Variants in DNAJB12 observed in about 807,000 individuals in gnomAD.
DNAJB12 encodes dnaJ homolog subfamily B member 12.
DNAJB12 carries 14 observed loss-of-function variants against 40.6 expected under a neutral mutation model. That is an observed-to-expected ratio of 0.34 (90% CI 0.23 to 0.54). The LOEUF is 0.54. Among genes scored for constraint, DNAJB12 ranks in the 20% least tolerant of loss-of-function variants. The pLI is 0.92. For missense variants in DNAJB12, 444 were observed against 501.7 expected (o/e 0.89, Z 1.10); for synonymous variants, 181 against 199.5 (o/e 0.91, Z 0.78).
chr10:72,349,441 C>G (rs1300899882), intron 1 of DNAJB12, among the ~76,000 whole-genome samples: 2 of 152,112 alleles, frequency 1.3e-5, no homozygotes, highest in Admixed American at 1.3e-4. Flanking sequence ...CAGGCCATCC[C>G]AGATACCAGG....
rs151237800 is a variant in DNAJB12 at position 72,335,906 on chromosome 10, G to T, written c.1032C>A (p.Arg344=). Residue 344 remains arginine, a synonymous_variant, in exon 8 of 9, where the codon CGC becomes CGA. Coordinates refer to ENST00000444643, the MANE Select transcript of DNAJB12 (RefSeq NM_017626.7). This position sits in a 1 kb window ranked among gnomAD's most constrained non-coding sequence, Gnocchi z 4.4. ...QQKEGLLYRA[R]YFGDTDMYHR... ...GGTACATATCTGTGTCGCCAAAGTA[G>T]CGTGCCCGGTACAGCAAGCCTTCCT... is the stretch of plus-strand genomic sequence containing the variant. 10 of 1,614,156 alleles carry T rather than the reference G, an allele frequency of 6.2e-6. No individual in the cohort carries two copies. The African/African-American group carries it at 1.2e-4, about 19-fold the overall frequency.
At chr10:72,340,339 T>A (rs931185634) in intron 5 of DNAJB12, among the ~76,000 whole-genome samples, 6 of 150,142 alleles carry the variant, frequency 4.0e-5, no homozygotes, top group Non-Finnish European at 8.8e-5. Context: ...CAAGACTCCA[T>A]CTCAATTAAA....
intron 1 of DNAJB12, among the ~76,000 whole-genome samples, chr10:72,351,908 T>G (rs1861945260): frequency 6.6e-6 from 1 of 152,238 alleles, no homozygotes; most frequent in Non-Finnish European, 1.5e-5. Flanking sequence ...TTCTTCAGCC[T>G]GGTTTCTTCC....
At chr10:72,345,211 T>G (rs1053447299) in intron 1 of DNAJB12, 84 bp from the exon 2 acceptor site, 1 of 1,504,696 alleles carries the variant, frequency 6.6e-7, no homozygotes, top group Admixed American at 2.0e-5. Flanking sequence ...TCCCACTCAC[T>G]TCCCCTCCCA....
intron 1 of DNAJB12, among the ~76,000 whole-genome samples, chr10:72,352,045 G>C (rs1212308141): frequency 1.3e-5 from 2 of 152,096 alleles, no homozygotes. Flanking sequence ...CCTTGTCCCA[G>C]GCCCTCAGAA....
chr10:72,340,942 T>C, intron 4 of DNAJB12, 43 bp downstream of exon 4: 1 of 1,609,132 alleles, frequency 6.2e-7, no homozygotes, highest in Non-Finnish European at 8.5e-7. Flanking sequence ...ATTCCCACCA[T>C]CACCCCAGGG....
chr10:72,340,320 G>A (rs374399392), intron 5 of DNAJB12, among the ~76,000 whole-genome samples: 22 of 152,068 alleles, frequency 1.4e-4, no homozygotes, highest in African/African-American at 5.3e-4. Context: ...CTCAGCCTGG[G>A]CGAGAGAGCA....
chr10:72,341,066 C>G lies in DNAJB12; in HGVS notation c.562G>C (p.Gly188Arg), dbSNP rs1861622423. 3.1e-6 allele frequency: 5 copies of G among 1,614,106 alleles called. No homozygotes were observed. Among genetic ancestry groups the G allele is most frequent in the Non-Finnish European group, 4.2e-6 (5 of 1,180,060 alleles). The change falls in exon 4 of 9, where the codon GGG becomes CGG. Residue 188 changes from glycine to arginine, a missense_variant. Coordinates refer to ENST00000444643, the MANE Select transcript of DNAJB12 (RefSeq NM_017626.7). ...SQAARHGHGH[G>R]DFHRGFEADI... is the part of the protein sequence containing the mutation. The stretch of plus-strand genomic sequence containing the variant: ...GCCTCAAAGCCACGGTGGAAATCCC[C>G]ATGCCCATGGCCGTGCCGGGCCGCC...
Position 72,335,776 on chromosome 10 carries a change from A to G in DNAJB12, c.*30+4T>C. 1.2e-6 allele frequency: 2 copies of G among 1,612,310 alleles called. No homozygotes were observed. The highest frequency in any genetic ancestry group is 1.3e-5 in the African/African-American group (1 of 74,974). On this transcript the variant is annotated splice_donor_region_variant and intron_variant, in intron 8 of 8. Transcript: ENST00000444643. The surrounding 1 kb of genome is among the most constrained non-coding windows in gnomAD (Gnocchi z 4.4). ...TGCAGGGTGGAGGCAGCCCTGGCTC[A>G]TACTTGGACCTCGGTGGTGTGGCTG...
Position 72,354,883 on chromosome 10 carries a change from C to G in DNAJB12, c.15G>C (p.Lys5Asn). The change falls in exon 1 of 9, where the codon AAG (lysine) becomes AAC (asparagine). Residue 5 changes from lysine to asparagine, a missense_variant. Physicochemically the swap from Lys to Asn is moderately conservative, Grantham distance 94. Coordinates refer to ENST00000444643, the MANE Select transcript of DNAJB12 (RefSeq NM_017626.7). MESN[K>N]DEAERCISIA... ...TGCTGATACAGCGCTCAGCTTCATCCTTGTTGGATTCCATGGCGGAACCAG... is the reference window on the plus strand; with the variant it reads ...TGCTGATACAGCGCTCAGCTTCATCGTTGTTGGATTCCATGGCGGAACCAG... The G allele has an allele frequency of 1.9e-6, 3 of 1,614,058 alleles. No homozygotes were observed. The highest frequency in any genetic ancestry group is 2.5e-6 in the Non-Finnish European group (3 of 1,179,926).
rs752474265 is a variant in DNAJB12, at chr10:72,343,457, C to T, written c.366G>A (p.Ser122=). Residue 122 remains serine, a synonymous_variant, in exon 3 of 9, where the codon TCG becomes TCA. Coordinates refer to ENST00000444643, the MANE Select transcript of DNAJB12 (RefSeq NM_017626.7). ...GGTAGGCCTTCTTCAGGTCCTCATC[C>T]GAGGCCCCTCTGCTCACCCCCAGGA... The part of the protein sequence containing the change: ...YEILGVSRGA[S]DEDLKKAYRR... The T allele has an allele frequency of 2.9e-5, 47 of 1,614,060 alleles. No homozygotes were observed. The highest frequency in any genetic ancestry group is 4.0e-5 in the African/African-American group (3 of 74,908).
chr10:72,351,746 C>T (rs1249252499), intron 1 of DNAJB12, among the ~76,000 whole-genome samples: 1 of 152,268 alleles, frequency 6.6e-6, no homozygotes, highest in African/African-American at 2.4e-5. Context: ...CCCACAGTGA[C>T]CTCAGCCATG....
chr10:72,334,565 C>CATGTA lies in DNAJB12; in HGVS notation c.*82_*83insTACAT. The CATGTA allele has an allele frequency of 6.5e-7, 1 of 1,535,802 alleles. No individual in the cohort carries two copies. Among genetic ancestry groups the CATGTA allele is most frequent in the Non-Finnish European group, 8.7e-7 (1 of 1,146,726 alleles). On this transcript the variant is annotated 3_prime_UTR_variant, in exon 9 of 9. Coordinates refer to ENST00000444643, the MANE Select transcript of DNAJB12 (RefSeq NM_017626.7). ...GTTTGTCTTTCCTCAAATATACAGT[C>CATGTA]CATCACCTTGGCTCAGTGCATGTCA...
At chr10:72,349,975 T>C (rs1011304589) in intron 1 of DNAJB12, among the ~76,000 whole-genome samples, 15 of 152,110 alleles carry the variant, frequency 9.9e-5, no homozygotes, top group Non-Finnish European at 1.8e-4. Context: ...AACAGCTTAA[T>C]GTTACCTTCT....
intron 1 of DNAJB12, among the ~76,000 whole-genome samples, chr10:72,347,642 G>A (rs771595826): frequency 3.9e-5 from 6 of 152,234 alleles, no homozygotes; most frequent in Admixed American, 2.0e-4. Flanking sequence ...CCGGCTGGGC[G>A]CTGTGGCTCA....
chr10:72,340,278 A>C (rs537635133), intron 5 of DNAJB12, among the ~76,000 whole-genome samples: 112 of 152,128 alleles, frequency 7.4e-4, no homozygotes, highest in Non-Finnish European at 1.3e-3. Context: ...CGGGAGGCGG[A>C]GGTTGCAGTG....
At position 72,345,049 on chromosome 10, in the gene DNAJB12, T is replaced by A; in HGVS notation, c.212A>T (p.His71Leu). ...GGCATCGGTCCCACCTGCTTTCCTG[T>A]GGGTGGCATGGGTTGTGTCTGTGGG... ...PPPTDTTHAT[H>L]RKAGGTDAPS... Residue 71 changes from histidine (H) to leucine (L), a missense_variant, in exon 2 of 9, where the codon CAC becomes CTC. Transcript: ENST00000444643. 1 of 1,614,218 alleles carries A rather than the reference T, an allele frequency of 6.2e-7. No individual in the cohort carries two copies. Among genetic ancestry groups the A allele is most frequent in the Non-Finnish European group, 8.5e-7 (1 of 1,180,032 alleles).
intron 1 of DNAJB12, among the ~76,000 whole-genome samples, chr10:72,349,932 G>T (rs1014893513): frequency 2.0e-4 from 30 of 152,170 alleles, no homozygotes; most frequent in African/African-American, 7.0e-4. Context: ...TCATGGCACA[G>T]AGGCTGACAG....
At chr10:72,336,381 G>C in intron 7 of DNAJB12, 143 bp downstream of exon 7, 5 of 887,126 alleles carry the variant, frequency 5.6e-6, no homozygotes, top group Middle Eastern at 3.6e-4. Flanking sequence ...ACCAGCTCTT[G>C]TCTGGGAGGT....
Sources: gnomAD v4.1 joint callset for allele counts (sites outside exome capture counted in the v4.1 genomes callset) on GRCh38, gnomAD v4.1.1 for gene constraint, Gnocchi (gnomAD v3.1) non-coding constraint, MANE v1.5 for transcripts, NCBI Gene and HGNC (gene_info 2026-07-23, HGNC 2026-07-21) for gene names.